KCNQ1: variants seen among roughly 807,000 people sequenced by gnomAD.
KCNQ1 encodes potassium voltage-gated channel subfamily KQT member 1.
A neutral mutation model predicts 72.4 loss-of-function variants in KCNQ1; 49 were observed. That is an observed-to-expected ratio of 0.68 (90% CI 0.54 to 0.86). KCNQ1 has a LOEUF of 0.86. KCNQ1 is among the 40% of genes least tolerant of loss of function. The pLI is 0.00. For synonymous variants in KCNQ1, 450 were observed against 412.6 expected (o/e 1.09, Z -1.10); for missense variants, 790 against 945.1 (o/e 0.84, Z 2.15).
intron 1 of KCNQ1, among the ~76,000 whole-genome samples, chr11:2,470,450 G>C (rs572348149): frequency 1.3e-5 from 2 of 152,156 alleles, no homozygotes; most frequent in Non-Finnish European, 2.9e-5. Flanking sequence ...GCATGGAAGC[G>C]TATATCCCAG....
chr11:2,473,874 A>C lies in KCNQ1; in HGVS notation c.386+28390A>C, dbSNP rs927657831. The stretch of plus-strand genomic sequence containing the variant: ...CGCATGCGCTCACCACTCGCCCTCC[A>C]CAGATGGGAGCCTGGGAGAGCCCTG... On this transcript the variant is annotated intron_variant, in intron 1 of 15. Transcript: ENST00000155840. This position sits in a 1 kb window ranked among gnomAD's most constrained non-coding sequence, Gnocchi z 6.0. Among the ~76,000 whole-genome samples the C allele has an allele frequency of 1.3e-5, 2 of 152,198 alleles. No individual in the cohort carries two copies. Among genetic ancestry groups the C allele is most frequent in the Non-Finnish European group, 2.9e-5 (2 of 68,014 alleles).
chr11:2,571,929 C>A, intron 4 of KCNQ1, 84 bp from the exon 5 acceptor site: 1 of 1,141,328 alleles, frequency 8.8e-7, no homozygotes, highest in Non-Finnish European at 1.3e-6. Flanking sequence ...GGCAGGGACA[C>A]CCATGCCATC....
In KCNQ1 at chr11:2,809,149, T is replaced by A. The variant is rs1239958940; in HGVS notation, c.1794+31112T>A. Among the ~76,000 whole-genome samples, 1 of 152,074 alleles carries A rather than the reference T, an allele frequency of 6.6e-6. No homozygotes were observed. Among genetic ancestry groups the A allele is most frequent in the Non-Finnish European group, 1.5e-5 (1 of 68,012 alleles). ...ACAGACACACCATCAGAAGCAAATA[T>A]AAATATGGAATCAAGGGATGCCTGC... is the stretch of plus-strand genomic sequence containing the variant. On this transcript the variant is annotated intron_variant, in intron 15 of 15. Coordinates refer to ENST00000155840, the MANE Select transcript of KCNQ1 (RefSeq NM_000218.3). The surrounding 1 kb of genome is among the most constrained non-coding windows in gnomAD (Gnocchi z 7.1).
intron 1 of KCNQ1, among the ~76,000 whole-genome samples, chr11:2,448,817 A>G (rs1001990607): frequency 2.1e-4 from 32 of 152,180 alleles, no homozygotes; most frequent in African/African-American, 7.5e-4. Context: ...CCTCACCTAC[A>G]TCGCAGACCC....
rs1850658489 is a variant in KCNQ1 at position 2,695,500 on chromosome 11, C to A, written c.1514+33419C>A. 7.5e-6 allele frequency: 3 copies of A among 398,582 alleles called. No homozygotes were observed. The highest frequency in any genetic ancestry group is 1.3e-5 in the Non-Finnish European group (3 of 226,102). The allele number at this position is 398,582 out of a possible 1,614,324, so 24.7% of individuals were successfully genotyped here. ...TATCTTGTGAAGTGTACATCTAGTC[C>A]CCTGCTCCTAACCACAGTGACCAGC... On this transcript the variant is annotated intron_variant, in intron 11 of 15. Transcript: ENST00000155840. The surrounding 1 kb of genome is among the most constrained non-coding windows in gnomAD (Gnocchi z 5.2).
At chr11:2,542,311 G>A (rs1373898179) in intron 2 of KCNQ1, among the ~76,000 whole-genome samples, 1 of 152,272 alleles carries the variant, frequency 6.6e-6, no homozygotes, top group Non-Finnish European at 1.5e-5. Context: ...CCCTGGCGGG[G>A]GCGGGGAAGG....
intron 2 of KCNQ1, among the ~76,000 whole-genome samples, chr11:2,552,733 C>T (rs976070482): frequency 6.0e-5 from 9 of 150,154 alleles, no homozygotes; most frequent in South Asian, 2.1e-4. Flanking sequence ...TTAGTAATAC[C>T]GAGTTTTCCG....
In KCNQ1 at chr11:2,455,415, A is replaced by G. The variant is rs577545653; in HGVS notation, c.386+9931A>G. On this transcript the variant is annotated intron_variant, in intron 1 of 15. Transcript: ENST00000155840. ...CCTGGCCAATCAGCAGCATTCTTAT[A>G]CACCAATGATGTTCAAACTCAGAGC... Among the ~76,000 whole-genome samples the G allele has an allele frequency of 9.2e-5, 14 of 152,222 alleles. 1 individual carries two copies. Among genetic ancestry groups the G allele is most frequent in the Admixed American group, 8.5e-4 (13 of 15,280 alleles).
intron 15 of KCNQ1, among the ~76,000 whole-genome samples, chr11:2,792,739 G>A (rs564208051): frequency 6.6e-6 from 1 of 152,336 alleles, no homozygotes; most frequent in Admixed American, 6.5e-5. Context: ...AGACCACCCT[G>A]TGAGGCCTCA....
intron 15 of KCNQ1, among the ~76,000 whole-genome samples, chr11:2,833,413 C>A (rs1847994209): frequency 6.6e-6 from 1 of 152,186 alleles, no homozygotes; most frequent in Non-Finnish European, 1.5e-5. Flanking sequence ...CTTGGGACCT[C>A]TGTGAAGACT....
intron 1 of KCNQ1, among the ~76,000 whole-genome samples, chr11:2,472,229 G>GTA (rs1429712002): frequency 6.7e-6 from 1 of 148,652 alleles, no homozygotes; most frequent in Non-Finnish European, 1.5e-5. Context: ...GTGTGTTCAT[G>GTA]TATATATGGG....
chr11:2,815,870 G>A lies in KCNQ1; in HGVS notation c.1795-31897G>A, dbSNP rs1035618097. Among the ~76,000 whole-genome samples, 3 of 152,202 alleles carry A rather than the reference G, an allele frequency of 2.0e-5. No individual in the cohort carries two copies. The highest frequency in any genetic ancestry group is 4.4e-5 in the Non-Finnish European group (3 of 68,032). ...GGCAAGTTGCTCAGGGGGTCTCCAG[G>A]CTGTATCTAACAGCTGCCTGTGCCG... On this transcript the variant is annotated intron_variant, in intron 15 of 15. Coordinates refer to ENST00000155840, the MANE Select transcript of KCNQ1 (RefSeq NM_000218.3). This position sits in a 1 kb window ranked among gnomAD's most constrained non-coding sequence, Gnocchi z 5.4.
chr11:2,619,018 G>T (rs937280842), intron 10 of KCNQ1: 2 of 398,100 alleles, frequency 5.0e-6, no homozygotes, highest in Non-Finnish European at 4.4e-6. Flanking sequence ...GTTTTATATT[G>T]ATTTTATATC....
At chr11:2,504,781 A>C (rs935141326) in intron 1 of KCNQ1, among the ~76,000 whole-genome samples, 2 of 152,154 alleles carry the variant, frequency 1.3e-5, no homozygotes, top group African/African-American at 4.8e-5. Context: ...AAAGAGTATA[A>C]TGAGGTTGTT....
intron 10 of KCNQ1, chr11:2,631,047 T>A (rs1453473021): frequency 5.0e-6 from 2 of 398,464 alleles, no homozygotes; most frequent in East Asian, 7.1e-5. Flanking sequence ...TGGCAATATA[T>A]CTAGGTGAAA....
rs1029099165 is a variant in KCNQ1, at chr11:2,782,517, T to C, written c.1794+4480T>C. ...CTATATTGGGATATTTTGTATAAGA[T>C]TAGAATTTTATTTTCCTCAAATGTT... On this transcript the variant is annotated intron_variant, in intron 15 of 15. Transcript: ENST00000155840. This position sits in a 1 kb window ranked among gnomAD's most constrained non-coding sequence, Gnocchi z 6.1. Among the ~76,000 whole-genome samples, 7 of 152,220 alleles carry C rather than the reference T, an allele frequency of 4.6e-5. No homozygotes were observed. Among genetic ancestry groups the C allele is most frequent in the Admixed American group, 2.0e-4 (3 of 15,284 alleles).
chr11:2,728,642 C>T (rs1031046468), intron 11 of KCNQ1, among the ~76,000 whole-genome samples: 1 of 152,332 alleles, frequency 6.6e-6, no homozygotes, highest in East Asian at 1.9e-4. Flanking sequence ...CAGAAGCTGG[C>T]CTACAGGACG....
chr11:2,517,919 C>T (rs543958184), intron 1 of KCNQ1, among the ~76,000 whole-genome samples: 18 of 152,320 alleles, frequency 1.2e-4, no homozygotes, highest in East Asian at 9.7e-4. Flanking sequence ...AGGCCACTTG[C>T]GAGCTAGGCT....
Position 2,477,865 on chromosome 11 carries a change from G to A in KCNQ1, c.386+32381G>A, listed in dbSNP as rs1846594781. ...ATATAAACAAATAAGTGGAAGAAAG[G>A]AATCCAGTTCTCACGTTAGAATCAA... On this transcript the variant is annotated intron_variant, in intron 1 of 15. Transcript: ENST00000155840. The surrounding 1 kb of genome is among the most constrained non-coding windows in gnomAD (Gnocchi z 5.0). Among the ~76,000 whole-genome samples, 1 of 152,096 alleles carries A rather than the reference G, an allele frequency of 6.6e-6. No individual in the cohort carries two copies. Among genetic ancestry groups the A allele is most frequent in the Admixed American group, 6.6e-5 (1 of 15,266 alleles).
Sources: allele counts gnomAD v4.1 joint callset (sites outside exome capture counted in the v4.1 genomes callset), GRCh38; gene constraint gnomAD v4.1.1; non-coding constraint Gnocchi (gnomAD v3.1); transcripts MANE v1.5; gene names NCBI Gene and HGNC (gene_info 2026-07-23, HGNC 2026-07-21).